The following ZNF385B variants were observed in gnomAD, a reference collection of about 807,000 sequenced individuals.
ZNF385B encodes the protein zinc finger protein 533.
A neutral mutation model predicts 39.2 loss-of-function variants in ZNF385B; 23 were observed. That is an observed-to-expected ratio of 0.59 (90% CI 0.42 to 0.83). The LOEUF is 0.83. Ranked by LOEUF, ZNF385B falls within the 40% of genes least tolerant of loss-of-function variation. The probability of loss-of-function intolerance (pLI) is 0.00; values close to 1 mark genes in which losing one functional copy is unlikely to be tolerated. For synonymous variants in ZNF385B, 205 were observed against 222.6 expected, an observed-to-expected ratio of 0.92 and a Z score of 0.70; for missense variants, 552 against 598.9, an observed-to-expected ratio of 0.92 and a Z score of 0.82.
chr2:179,641,227 C>T (rs1692240655), intron 3 of ZNF385B, among the ~76,000 whole-genome samples: 2 of 151,998 alleles, frequency 1.3e-5, no homozygotes, highest in Non-Finnish European at 1.5e-5. Flanking sequence ...AGTCTTCAAT[C>T]ATATTCCTTT....
chr2:179,481,466 T>G (rs1414524977), intron 6 of ZNF385B, among the ~76,000 whole-genome samples: 1 of 152,046 alleles, frequency 6.6e-6, no homozygotes, highest in East Asian at 1.9e-4. Context: ...AAATGGATTC[T>G]TCTCTGATTG....
Position 179,544,948 on chromosome 2 carries a change from G to A in ZNF385B, c.320C>T (p.Thr107Ile), listed in dbSNP as rs754225599. 6.2e-7 allele frequency: 1 copy of A among 1,613,948 alleles called. No individual in the cohort carries two copies. The highest frequency in any genetic ancestry group is 1.3e-5 in the African/African-American group (1 of 75,032). ...SSTGSTCHTT[T>I]LPALVRTPTL... ...AGGTGTGCGCACAAGAGCAGGAAGG[G>A]TAGTAGTGTGGCATGTACTGCCTGC... Residue 107 changes from threonine to isoleucine, a missense_variant, in exon 4 of 10, where the codon ACC becomes ATC. Thr to Ile is a moderately conservative substitution (Grantham distance 89). Transcript: ENST00000410066.
At chr2:179,522,619 C>T (rs181794386) in intron 4 of ZNF385B, among the ~76,000 whole-genome samples, 1 of 152,204 alleles carries the variant, frequency 6.6e-6, no homozygotes, top group African/African-American at 2.4e-5. Flanking sequence ...TTTAAAGATT[C>T]ATTTGGCATT....
At chr2:179,734,255 G>A (rs1306370501) in intron 3 of ZNF385B, among the ~76,000 whole-genome samples, 1 of 152,028 alleles carries the variant, frequency 6.6e-6, no homozygotes, top group Admixed American at 6.6e-5. Context: ...ATTATTTTAT[G>A]TGTCTTTGTA....
intron 3 of ZNF385B, among the ~76,000 whole-genome samples, chr2:179,617,141 A>T (rs1280474419): frequency 2.0e-5 from 3 of 152,326 alleles, no homozygotes; most frequent in Non-Finnish European, 4.4e-5. Flanking sequence ...CAGCATCAAC[A>T]GCTATATGTT....
At chr2:179,526,764 A>ATGC (rs1236958387) in intron 4 of ZNF385B, among the ~76,000 whole-genome samples, 2 of 152,184 alleles carry the variant, frequency 1.3e-5, no homozygotes, top group African/African-American at 4.8e-5. Flanking sequence ...GTCCACCTGA[A>ATGC]TGCTATCAGT....
At chr2:179,661,918 T>C (rs73976035) in intron 3 of ZNF385B, among the ~76,000 whole-genome samples, 2,128 of 152,344 alleles carry the variant, frequency 0.014, 57 homozygotes, top group African/African-American at 0.048. Flanking sequence ...TTGAGTTTAA[T>C]TGCCATTTAA....
chr2:179,621,149 T>C (rs994089501), intron 3 of ZNF385B, among the ~76,000 whole-genome samples: 1 of 150,696 alleles, frequency 6.6e-6, no homozygotes, highest in Non-Finnish European at 1.5e-5. Context: ...AAGAATGGGG[T>C]AGAAAAAAAG....
Position 179,442,177 on chromosome 2 carries a change from C to A in ZNF385B, c.*1073G>T, listed in dbSNP as rs1477401541. 2 of 152,572 alleles carry A rather than the reference C, an allele frequency of 1.3e-5. No homozygotes were observed. Among genetic ancestry groups the A allele is most frequent in the Non-Finnish European group, 2.9e-5 (2 of 68,024 alleles). The allele number at this position is 152,572 out of a possible 1,614,324, so 9.5% of individuals were successfully genotyped here. ...TAGAAAGGGGGGCATGGGAGCATGA[C>A]CTGCAATATATTCAGCGAACAGAAA... On this transcript the variant is annotated 3_prime_UTR_variant, in exon 10 of 10. Transcript: ENST00000410066.
chr2:179,824,338 T>C (rs1487649609), intron 1 of ZNF385B, among the ~76,000 whole-genome samples: 3 of 152,166 alleles, frequency 2.0e-5, no homozygotes, highest in African/African-American at 7.2e-5. Context: ...TTTGGGGCAC[T>C]GTACTTTAGA....
At chr2:179,447,809 T>C (rs543791040) in intron 6 of ZNF385B, among the ~76,000 whole-genome samples, 2 of 152,310 alleles carry the variant, frequency 1.3e-5, no homozygotes, top group South Asian at 4.1e-4. Context: ...AAGGAGAGAC[T>C]AGGCAACAGC....
chr2:179,483,899 T>G (rs1460165410), intron 5 of ZNF385B, among the ~76,000 whole-genome samples: 2 of 152,212 alleles, frequency 1.3e-5, no homozygotes, highest in Non-Finnish European at 2.9e-5. Context: ...CCAACTGGTG[T>G]GATAAAACAT....
chr2:179,825,647 G>C (rs1707637978), intron 1 of ZNF385B, among the ~76,000 whole-genome samples: 4 of 152,112 alleles, frequency 2.6e-5, no homozygotes, highest in Admixed American at 2.6e-4. Flanking sequence ...ATCAGTTAAG[G>C]AGTAATGATG....
At chr2:179,444,468 AAAT>A (rs1214237924) in intron 9 of ZNF385B, among the ~76,000 whole-genome samples, 1 of 152,222 alleles carries the variant, frequency 6.6e-6, no homozygotes, top group Non-Finnish European at 1.5e-5. Context: ...TTCTCATGCC[AAAT>A]AATAATAATA....
chr2:179,448,315 T>C (rs533036161), intron 6 of ZNF385B, among the ~76,000 whole-genome samples: 1 of 152,248 alleles, frequency 6.6e-6, no homozygotes, highest in African/African-American at 2.4e-5. Context: ...ATCCCTCAGA[T>C]TGAATTTGCA....
chr2:179,706,469 A>G (rs1699610280), intron 3 of ZNF385B, among the ~76,000 whole-genome samples: 1 of 152,128 alleles, frequency 6.6e-6, no homozygotes, highest in East Asian at 1.9e-4. Context: ...AAATCCTATG[A>G]GCATCAAGAT....
intron 6 of ZNF385B, 63 bp from the exon 7 acceptor site, chr2:179,446,833 C>G: frequency 6.7e-7 from 1 of 1,501,540 alleles, no homozygotes; most frequent in Non-Finnish European, 8.9e-7. Flanking sequence ...AGATAAATCA[C>G]CATAGATGAA....
chr2:179,611,380 C>A (rs1386465669), intron 3 of ZNF385B, among the ~76,000 whole-genome samples: 1 of 150,892 alleles, frequency 6.6e-6, no homozygotes, highest in African/African-American at 2.4e-5. Context: ...TCCTTGAATC[C>A]CTGGGATAAA....
chr2:179,818,978 G>GT (rs1042321227), intron 1 of ZNF385B, among the ~76,000 whole-genome samples: 11 of 151,404 alleles, frequency 7.3e-5, no homozygotes, highest in South Asian at 2.1e-4. Flanking sequence ...TTATTTTGGT[G>GT]TTTTTTTGCC....
Sources: gnomAD v4.1 joint callset for allele counts (sites outside exome capture counted in the v4.1 genomes callset) on GRCh38, gnomAD v4.1.1 for gene constraint, MANE v1.5 for transcripts, NCBI Gene and HGNC (gene_info 2026-07-23, HGNC 2026-07-21) for gene names.